Variants in STK3 observed in about 807,000 individuals in gnomAD.
STK3 encodes serine/threonine kinase 3.
STK3 carries 41 observed loss-of-function variants against 58.0 expected under a neutral mutation model. The ratio of observed to expected loss-of-function variants is 0.71; its 90% CI spans 0.55 to 0.92. The LOEUF (loss-of-function observed/expected upper bound fraction) is 0.92, where lower values mean the gene tolerates loss of function less well. STK3 is among the 40% of genes least tolerant of loss of function. STK3 has a pLI of 0.00. For missense variants in STK3, 479 were observed against 602.7 expected, an observed-to-expected ratio of 0.79 and a Z score of 2.15; for synonymous variants, 170 against 191.0, an observed-to-expected ratio of 0.89 and a Z score of 0.91.
chr8:98,374,995 T>G (rs982985725), intron 2 of STK3, among the ~76,000 whole-genome samples: 7 of 152,186 alleles, frequency 4.6e-5, no homozygotes, highest in Admixed American at 1.3e-4. Context: ...ATCCCAGCAC[T>G]TTGGGAGGCC....
intron 3 of STK3, among the ~76,000 whole-genome samples, chr8:98,871,532 G>C (rs532041996): frequency 1.3e-5 from 2 of 152,160 alleles, no homozygotes; most frequent in East Asian, 3.8e-4. Flanking sequence ...GCAGTGGTTT[G>C]TAGTTCTCCT....
At chr8:98,553,668 T>C (rs1356495126) in intron 8 of STK3, among the ~76,000 whole-genome samples, 2 of 152,122 alleles carry the variant, frequency 1.3e-5, no homozygotes, top group African/African-American at 4.8e-5. Context: ...CTAAGGTCTT[T>C]TTAATTCTCT....
At chr8:98,903,487 GTTCTTCTTCTTCTTCTTC>G (rs71572029) in intron 1 of STK3, among the ~76,000 whole-genome samples, 9 of 139,646 alleles carry the variant, frequency 6.4e-5, no homozygotes, top group Non-Finnish European at 9.3e-5. Context: ...AATTTAGGAA[GTTCTTCTTCTTCTTCTTC>G]TTCTTCTTCT....
intron 6 of STK3, among the ~76,000 whole-genome samples, chr8:98,616,853 A>G (rs1219164333): frequency 6.7e-6 from 1 of 149,812 alleles, no homozygotes; most frequent in Non-Finnish European, 1.5e-5. Context: ...ACTCCCACAC[A>G]TTAATAATGG....
chr8:98,730,377 A>C (rs1197351808), intron 4 of STK3, among the ~76,000 whole-genome samples: 1 of 152,200 alleles, frequency 6.6e-6, no homozygotes, highest in Non-Finnish European at 1.5e-5. Context: ...ATAAAGGTAT[A>C]TAGTGAAAAT....
chr8:98,429,590 G>A, intron 3 of STK3: 2 of 590,014 alleles, frequency 3.4e-6, no homozygotes, highest in Non-Finnish European at 6.1e-6. Flanking sequence ...TTAGAGGGTG[G>A]TGTGTCTGAC....
At chr8:98,848,492 G>A (rs772196062) in intron 3 of STK3, among the ~76,000 whole-genome samples, 4 of 152,066 alleles carry the variant, frequency 2.6e-5, no homozygotes, top group African/African-American at 7.2e-5. Context: ...CAGGTGATCC[G>A]CCTGCCTCGG....
chr8:98,691,328 T>A (rs970506091), intron 6 of STK3, among the ~76,000 whole-genome samples: 1 of 152,204 alleles, frequency 6.6e-6, no homozygotes, highest in Non-Finnish European at 1.5e-5. Flanking sequence ...ACACACCTAT[T>A]GCATAATGCA....
At chr8:98,664,843 T>G (rs1822220317) in intron 6 of STK3, among the ~76,000 whole-genome samples, 4 of 151,464 alleles carry the variant, frequency 2.6e-5, no homozygotes, top group African/African-American at 7.3e-5. Flanking sequence ...GAGGTTGCAG[T>G]GAGCCAAGAT....
intron 3 of STK3, among the ~76,000 whole-genome samples, chr8:98,839,638 T>A (rs756272917): frequency 4.6e-5 from 7 of 152,226 alleles, no homozygotes; most frequent in Non-Finnish European, 8.8e-5. Context: ...GGTAATTTTT[T>A]GCTTAATAAA....
rs139688254 is a variant in STK3 at position 98,785,625 on chromosome 8, C to T, written c.27-10806G>A. Among the ~76,000 whole-genome samples, 450 of 152,270 alleles carry T rather than the reference C, an allele frequency of 3.0e-3. 1 individual carries two copies. The highest frequency in any genetic ancestry group is 5.5e-3 in the Non-Finnish European group (373 of 68,026). On this transcript the variant is annotated intron_variant, in intron 1 of 10. Coordinates refer to ENST00000419617, the MANE Select transcript of STK3 (RefSeq NM_006281.4). ...CAAATCAGCCCACTGCCTGAGGCAACGGAGAGCTGCTCCCAGTAAACAAGG... is the reference window on the plus strand; with the variant it reads ...CAAATCAGCCCACTGCCTGAGGCAATGGAGAGCTGCTCCCAGTAAACAAGG...
At chr8:98,603,836 A>C (rs1245129237) in intron 6 of STK3, among the ~76,000 whole-genome samples, 2 of 152,120 alleles carry the variant, frequency 1.3e-5, no homozygotes, top group Non-Finnish European at 2.9e-5. Flanking sequence ...GAGAGATAGA[A>C]TGAATAATGC....
chr8:98,647,559 T>G (rs971068860), intron 6 of STK3, among the ~76,000 whole-genome samples: 1 of 152,196 alleles, frequency 6.6e-6, no homozygotes, highest in African/African-American at 2.4e-5. Flanking sequence ...TTTTGTTTGT[T>G]TTTTGAGACA....
At chr8:98,405,206 C>CAT (rs1817982469) in intron 3 of STK3, among the ~76,000 whole-genome samples, 1 of 152,210 alleles carries the variant, frequency 6.6e-6, no homozygotes, top group South Asian at 2.1e-4. Context: ...TACAAGTCTA[C>CAT]TAATCCCCAT....
intron 10 of STK3, among the ~76,000 whole-genome samples, chr8:98,494,459 G>A (rs949015635): frequency 1.7e-4 from 26 of 151,884 alleles, no homozygotes; most frequent in Non-Finnish European, 8.8e-5. Context: ...GTTTGCATGG[G>A]CATCTTAACT....
At chr8:98,633,481 T>G in intron 6 of STK3, 1 of 612,130 alleles carries the variant, frequency 1.6e-6, no homozygotes, top group Non-Finnish European at 3.0e-6. Context: ...CAGAAGAAGG[T>G]AGAACGATGG....
chr8:98,866,275 A>G (rs1837142108), intron 3 of STK3, among the ~76,000 whole-genome samples: 1 of 152,202 alleles, frequency 6.6e-6, no homozygotes, highest in Admixed American at 6.5e-5. Flanking sequence ...ACATTCGCTG[A>G]AAGCCTCTTA....
intron 9 of STK3, among the ~76,000 whole-genome samples, chr8:98,529,981 C>T (rs1334238011): frequency 2.0e-5 from 3 of 152,030 alleles, no homozygotes; most frequent in African/African-American, 4.8e-5. Flanking sequence ...TATGGAAGTG[C>T]TTAAGATTAA....
chr8:98,899,517 T>A (rs898638636), intron 1 of STK3, among the ~76,000 whole-genome samples: 2 of 152,170 alleles, frequency 1.3e-5, no homozygotes, highest in Admixed American at 1.3e-4. Flanking sequence ...TATAGTGTAT[T>A]GGGTATTACA....
Sources: gnomAD v4.1 joint callset for allele counts (sites outside exome capture counted in the v4.1 genomes callset) on GRCh38, gnomAD v4.1.1 for gene constraint, MANE v1.5 for transcripts, NCBI Gene and HGNC (gene_info 2026-07-23, HGNC 2026-07-21) for gene names.